Variants in DMD observed in about 807,000 individuals in gnomAD.
The protein encoded by DMD is dystrophin, also known as mutant dystrophin.
Under a neutral mutation model 330.1 loss-of-function variants are expected in DMD, and 63 were observed. That is an observed-to-expected ratio of 0.19 (90% CI 0.16 to 0.24). The LOEUF (loss-of-function observed/expected upper bound fraction) is 0.24. Among genes scored for constraint, DMD ranks in the 10% least tolerant of loss-of-function variants. The pLI, the probability that DMD is intolerant of heterozygous loss-of-function variation, is 1.00. For synonymous variants in DMD, 1,223 were observed against 959.8 expected, an observed-to-expected ratio of 1.27 and a Z score of -5.07; for missense variants, 3,344 against 2,684.1, an observed-to-expected ratio of 1.25 and a Z score of -5.43.
chrX:32,852,068 A>G (rs1390793199), intron 2 of DMD, among the ~76,000 whole-genome samples: 1 of 111,907 alleles, frequency 8.9e-6, no homozygotes, highest in Non-Finnish European at 1.9e-5. Flanking sequence ...GTAAGACACC[A>G]GTGCTTGTAC....
intron 34 of DMD, among the ~76,000 whole-genome samples, chrX:32,372,182 C>A (rs951684540): frequency 9.0e-6 from 1 of 111,504 alleles, no homozygotes; most frequent in African/African-American, 3.2e-5. Flanking sequence ...CAGCATTTTT[C>A]TCTTCTCTCA....
chrX:31,334,486 T>A lies in DMD; in HGVS notation c.9164-10828A>T, dbSNP rs192699977. 4.3e-4 allele frequency among the ~76,000 whole-genome samples: 48 copies of A among 111,991 alleles called. No individual in the cohort carries two copies. In the East Asian group the frequency reaches 0.012, roughly 29 times the overall value. The stretch of plus-strand genomic sequence containing the variant: ...TGGAATGGATTCCTCCCTTCCATTC[T>A]ACTCCCATTGCACCCACTATTTACT... On this transcript the variant is annotated intron_variant, in intron 61 of 78. Transcript: ENST00000357033.
chrX:32,522,253 C>A (rs949875466), intron 17 of DMD, among the ~76,000 whole-genome samples: 1 of 111,805 alleles, frequency 8.9e-6, no homozygotes, highest in Non-Finnish European at 1.9e-5. Flanking sequence ...ATCTGTGTTG[C>A]CATTAAATGT....
chrX:33,121,647 G>A (rs886448790), intron 1 of DMD, among the ~76,000 whole-genome samples: 3 of 111,901 alleles, frequency 2.7e-5, no homozygotes, highest in Non-Finnish European at 3.8e-5. Context: ...CATGTGCTAC[G>A]TATGGCCTTT....
intron 2 of DMD, among the ~76,000 whole-genome samples, chrX:32,856,979 G>A (rs1333285887): frequency 1.8e-5 from 2 of 110,085 alleles, no homozygotes; most frequent in Admixed American, 9.7e-5. Context: ...GGAGGCTGAG[G>A]CAGGAGAACG....
At chrX:31,134,729 A>G (rs750679553) in intron 76 of DMD, among the ~76,000 whole-genome samples, 1 of 112,708 alleles carries the variant, frequency 8.9e-6, no homozygotes, top group South Asian at 3.7e-4. Flanking sequence ...CCTACTGCGT[A>G]TCTTTTTAAA....
At chrX:31,862,360 T>C (rs1220027783) in intron 48 of DMD, among the ~76,000 whole-genome samples, 1 of 110,414 alleles carries the variant, frequency 9.1e-6, no homozygotes, top group Non-Finnish European at 1.9e-5. Flanking sequence ...CTGGAACTCC[T>C]GACCTCGTGA....
At chrX:32,040,595 G>A (rs1327737301) in intron 44 of DMD, among the ~76,000 whole-genome samples, 1 of 111,508 alleles carries the variant, frequency 9.0e-6, no homozygotes, top group Non-Finnish European at 1.9e-5. Context: ...AGAAAGTTGG[G>A]GAGGAAGCAA....
intron 33 of DMD, among the ~76,000 whole-genome samples, chrX:32,385,146 A>G (rs1205029295): frequency 2.7e-5 from 3 of 110,800 alleles, no homozygotes; most frequent in Non-Finnish European, 5.7e-5. Context: ...TAATTACCTG[A>G]TTCAAAAATA....
intron 48 of DMD, among the ~76,000 whole-genome samples, chrX:31,870,450 T>A (rs1166162033): frequency 8.9e-6 from 1 of 111,751 alleles, no homozygotes; most frequent in Non-Finnish European, 1.9e-5. Context: ...CAAACACAGA[T>A]GGCCTAAATA....
At chrX:32,902,761 A>C (rs1243262747) in intron 2 of DMD, among the ~76,000 whole-genome samples, 1 of 110,920 alleles carries the variant, frequency 9.0e-6, no homozygotes, top group African/African-American at 3.3e-5. Context: ...AAAGAGAAAA[A>C]AGGTAAAACA....
chrX:33,095,230 A>G (rs1488459387), intron 1 of DMD, among the ~76,000 whole-genome samples: 2 of 112,756 alleles, frequency 1.8e-5, no homozygotes, highest in Admixed American at 9.4e-5. Flanking sequence ...TATGGAAAAT[A>G]GATATATTTG....
At chrX:32,477,245 T>C (rs1227937637) in intron 21 of DMD, among the ~76,000 whole-genome samples, 1 of 110,271 alleles carries the variant, frequency 9.1e-6, no homozygotes, top group Non-Finnish European at 1.9e-5. Context: ...CTGTAAATTA[T>C]TGGGAAAATA....
intron 44 of DMD, among the ~76,000 whole-genome samples, chrX:31,986,070 G>C (rs1484772676): frequency 9.0e-6 from 1 of 111,502 alleles, no homozygotes; most frequent in South Asian, 3.8e-4. Flanking sequence ...ATGAAGGGGA[G>C]TGTGGAATGA....
At chrX:31,171,162 A>T (rs897982629) in intron 73 of DMD, among the ~76,000 whole-genome samples, 2 of 112,300 alleles carry the variant, frequency 1.8e-5, no homozygotes, top group African/African-American at 6.5e-5. Context: ...GCTAAGAAAG[A>T]TAAGGCATCA....
chrX:33,230,635 C>A (rs1052126837), intron 1 of DMD, among the ~76,000 whole-genome samples: 2 of 110,596 alleles, frequency 1.8e-5, no homozygotes, highest in Admixed American at 1.9e-4. Context: ...TATTGACAGG[C>A]CTTTTTGTCT....
chrX:32,758,777 T>G (rs747062787), intron 7 of DMD, among the ~76,000 whole-genome samples: 24 of 111,466 alleles, frequency 2.2e-4, no homozygotes, highest in Non-Finnish European at 4.0e-4. Flanking sequence ...GGGTGGCTAT[T>G]ATTTTCACCT....
At chrX:32,804,003 T>C (rs773467809) in intron 7 of DMD, among the ~76,000 whole-genome samples, 2 of 111,849 alleles carry the variant, frequency 1.8e-5, no homozygotes, top group African/African-American at 6.5e-5. Context: ...AAGTACTGAA[T>C]ATCCTTTTTA....
chrX:32,023,123 G>A (rs1485309778), intron 44 of DMD, among the ~76,000 whole-genome samples: 1 of 111,265 alleles, frequency 9.0e-6, no homozygotes, highest in Non-Finnish European at 1.9e-5. Flanking sequence ...GAGCTACTGC[G>A]CCCGGCCAGA....
Sources: gnomAD v4.1 joint callset for allele counts (sites outside exome capture counted in the v4.1 genomes callset) on GRCh38, gnomAD v4.1.1 for gene constraint, MANE v1.5 for transcripts, NCBI Gene and HGNC (gene_info 2026-07-23, HGNC 2026-07-21) for gene names.